The following ABCG2 variants were observed in gnomAD, a reference collection of about 807,000 sequenced individuals.
ABCG2 encodes the protein ATP binding cassette subfamily G member 2 (JR blood group).
Under a neutral mutation model 73.5 loss-of-function variants are expected in ABCG2, and 80 were observed. That is an observed-to-expected ratio of 1.09 (90% confidence interval 0.91 to 1.31). ABCG2 has a LOEUF of 1.31. ABCG2 is among the 50% of genes most tolerant of loss of function. ABCG2 has a pLI of 0.00. For missense variants in ABCG2, 796 were observed against 786.2 expected (o/e 1.01, Z -0.15); for synonymous variants, 269 against 282.4 (o/e 0.95, Z 0.48).
upstream of ABCG2, among the ~76,000 whole-genome samples, chr4:88,161,417 C>T (rs1275844457): frequency 4.0e-5 from 2 of 49,930 alleles, no homozygotes; most frequent in African/African-American, 7.7e-5. Context: ...TGAGAATATG[C>T]GGTGTTTGGT....
chr4:88,119,881 C>T (rs1488898320), intron 6 of ABCG2, among the ~76,000 whole-genome samples: 2 of 152,184 alleles, frequency 1.3e-5, no homozygotes, highest in Admixed American at 6.5e-5. Context: ...AAGAAAAACC[C>T]ATTTTCTGAA....
At chr4:88,200,802 G>A (rs1039103670) in intron 1 of ABCG2, among the ~76,000 whole-genome samples, 2 of 152,076 alleles carry the variant, frequency 1.3e-5, no homozygotes, top group Non-Finnish European at 2.9e-5. Flanking sequence ...GTGAGCCACC[G>A]TGCCCAGCCT....
intron 8 of ABCG2, 84 bp downstream of exon 8, chr4:88,114,873 G>T: frequency 1.2e-6 from 1 of 856,132 alleles, no homozygotes; most frequent in Non-Finnish European, 1.8e-6. Flanking sequence ...AATTCACAAA[G>T]CCACATTTTA....
At chr4:88,220,783 G>A (rs1235903913) in intron 1 of ABCG2, 1 of 152,202 alleles carries the variant, frequency 6.6e-6, no homozygotes, top group African/African-American at 2.4e-5. Context: ...CTGTTCTTGT[G>A]ATGGTAAGTT....
At chr4:88,160,400 G>T (rs917513080), upstream of ABCG2, among the ~76,000 whole-genome samples, 1 of 152,066 alleles carries the variant, frequency 6.6e-6, no homozygotes, top group Non-Finnish European at 1.5e-5. Flanking sequence ...CAGAAAAAAT[G>T]AAAACATTTC....
intron 2 of ABCG2, among the ~76,000 whole-genome samples, chr4:88,135,612 C>T (rs1028289343): frequency 6.7e-6 from 1 of 148,966 alleles, no homozygotes; most frequent in Non-Finnish European, 1.5e-5. Context: ...CTAATCAATC[C>T]TTTTATCAGC....
chr4:88,115,719 T>C (rs1350012581), intron 7 of ABCG2, among the ~76,000 whole-genome samples: 1 of 152,080 alleles, frequency 6.6e-6, no homozygotes, highest in East Asian at 1.9e-4. Context: ...CTATCATAAT[T>C]CATGAGACCT....
At chr4:88,130,991 G>A in intron 5 of ABCG2, 70 bp downstream of exon 5, 2 of 1,545,550 alleles carry the variant, frequency 1.3e-6, no homozygotes, top group South Asian at 1.2e-5. Flanking sequence ...TTCTGAATCA[G>A]AGTCATTTTA....
At chr4:88,147,328 A>G (rs1180790978) in intron 1 of ABCG2, among the ~76,000 whole-genome samples, 1 of 152,140 alleles carries the variant, frequency 6.6e-6, no homozygotes, top group Admixed American at 6.6e-5. Flanking sequence ...AGCAATATAT[A>G]CCAGTATTTA....
At chr4:88,109,913 T>C (rs1302387588) in intron 9 of ABCG2, among the ~76,000 whole-genome samples, 1 of 152,212 alleles carries the variant, frequency 6.6e-6, no homozygotes, top group African/African-American at 2.4e-5. Context: ...GCCACCTATC[T>C]TTGTTCACCT....
rs368511909 is a variant in ABCG2 at position 88,115,058 on chromosome 4, C to A, written c.842G>T (p.Gly281Val). 3 of 1,603,372 alleles carry A rather than the reference C, an allele frequency of 1.9e-6. No individual in the cohort carries two copies. Among genetic ancestry groups the A allele is most frequent in the Middle Eastern group, 1.7e-4 (1 of 6,052 alleles). The change falls in exon 8 of 16, where the codon GGT becomes GTT. Residue 281 changes from glycine to valine, a missense_variant and splice_region_variant. Gly to Val is a moderately radical substitution (Grantham distance 109, BLOSUM62 -3). Transcript: ENST00000237612. ...QEALGYFESA[G>V]YHCEAYNNPA... ...GTTATTATAGGCCTCACAGTGATAA[C>A]CTATGAAAGAAGGCAGCTCAAAAAC...
intron 1 of ABCG2, among the ~76,000 whole-genome samples, chr4:88,196,713 A>T (rs1308230932): frequency 1.3e-5 from 2 of 151,948 alleles, no homozygotes; most frequent in African/African-American, 4.8e-5. Flanking sequence ...CAGCACTAGC[A>T]TACCGAAAAG....
At chr4:88,179,618 A>G (rs1308859586) in intron 1 of ABCG2, among the ~76,000 whole-genome samples, 1 of 152,232 alleles carries the variant, frequency 6.6e-6, no homozygotes, top group East Asian at 1.9e-4. Context: ...TTTCAAACAG[A>G]AAATTCAAAA....
At chr4:88,171,903 G>A (rs1727770889) in intron 1 of ABCG2, among the ~76,000 whole-genome samples, 2 of 152,206 alleles carry the variant, frequency 1.3e-5, no homozygotes, top group South Asian at 4.1e-4. Context: ...AGGATCACTT[G>A]AGGCCAAAGG....
At chr4:88,170,291 T>C (rs1171973150) in intron 1 of ABCG2, among the ~76,000 whole-genome samples, 1 of 152,164 alleles carries the variant, frequency 6.6e-6, no homozygotes, top group Non-Finnish European at 1.5e-5. Context: ...TCTCATGCCT[T>C]ATGCACATTT....
chr4:88,158,848 G>C (rs921970733), upstream of ABCG2: 17 of 335,164 alleles, frequency 5.1e-5, no homozygotes, highest in Non-Finnish European at 8.5e-5. Flanking sequence ...GACGAGCTCA[G>C]GCAGCGCTGA....
At chr4:88,206,795 C>A (rs1729396910) in intron 1 of ABCG2, among the ~76,000 whole-genome samples, 1 of 152,190 alleles carries the variant, frequency 6.6e-6, no homozygotes, top group Non-Finnish European at 1.5e-5. Flanking sequence ...ATTCTTGAAA[C>A]AACAAACCCA....
intron 10 of ABCG2, among the ~76,000 whole-genome samples, chr4:88,105,417 T>C (rs1722707206): frequency 6.6e-6 from 1 of 152,124 alleles, no homozygotes; most frequent in African/African-American, 2.4e-5. Flanking sequence ...ACAAGTGTTC[T>C]CCATACATGA....
At chr4:88,214,344 G>A (rs983280996) in intron 1 of ABCG2, among the ~76,000 whole-genome samples, 7 of 151,746 alleles carry the variant, frequency 4.6e-5, no homozygotes, top group Non-Finnish European at 1.0e-4. Flanking sequence ...CTGCTCTATC[G>A]TTTTGTTCTC....
Sources: gnomAD v4.1 joint callset for allele counts (sites outside exome capture counted in the v4.1 genomes callset) on GRCh38, gnomAD v4.1.1 for gene constraint, MANE v1.5 for transcripts, NCBI Gene and HGNC (gene_info 2026-07-23, HGNC 2026-07-21) for gene names.